WDR35: variants seen among roughly 807,000 people sequenced by gnomAD.
WDR35 encodes WD repeat-containing protein 35.
A neutral mutation model predicts 158.3 loss-of-function variants in WDR35; 118 were observed. That is an observed-to-expected ratio of 0.75 (90% CI 0.64 to 0.87). The LOEUF (loss-of-function observed/expected upper bound fraction) is 0.87. Ranked by LOEUF, WDR35 falls within the 40% of genes least tolerant of loss-of-function variation. WDR35 has a pLI of 0.00. For missense variants in WDR35, 1,263 were observed against 1,405.8 expected (o/e 0.90, Z 1.62); for synonymous variants, 448 against 476.1 (o/e 0.94, Z 0.77).
chr2:19,957,023 C>T (rs1018976028), intron 11 of WDR35, among the ~76,000 whole-genome samples: 3 of 152,110 alleles, frequency 2.0e-5, no homozygotes, highest in South Asian at 2.1e-4. Flanking sequence ...ATAAGGTAGG[C>T]GTTATTGTCC....
chr2:19,985,317 GC>G (rs1558363349), intron 2 of WDR35, among the ~76,000 whole-genome samples: 6 of 145,690 alleles, frequency 4.1e-5, no homozygotes, highest in South Asian at 2.2e-4. Flanking sequence ...CCAACCCAGG[GC>G]CATCATCCTC....
intron 9 of WDR35, among the ~76,000 whole-genome samples, chr2:19,967,790 A>T (rs1671905348): frequency 6.6e-6 from 1 of 152,140 alleles, no homozygotes; most frequent in African/African-American, 2.4e-5. Flanking sequence ...TATACTCCTC[A>T]TCCATTTCCC....
intron 5 of WDR35, among the ~76,000 whole-genome samples, chr2:19,977,395 C>T (rs540373402): frequency 3.9e-4 from 60 of 152,286 alleles, no homozygotes; most frequent in Middle Eastern, 6.8e-3. Flanking sequence ...AAGGCATTAC[C>T]ATCCATCCAG....
chr2:19,952,902 C>T (rs1391867204), intron 12 of WDR35, among the ~76,000 whole-genome samples: 1 of 150,800 alleles, frequency 6.6e-6, no homozygotes, highest in African/African-American at 2.4e-5. Flanking sequence ...CATTCTCCTG[C>T]CTCAGCCTCC....
At chr2:19,958,800 T>C (rs1350503203) in intron 11 of WDR35, among the ~76,000 whole-genome samples, 2 of 152,138 alleles carry the variant, frequency 1.3e-5, no homozygotes, top group East Asian at 1.9e-4. Flanking sequence ...AAAGGTATTA[T>C]GAGTGCTCAA....
At chr2:19,952,781 C>CTTTTTTTT (rs773596785) in intron 12 of WDR35, among the ~76,000 whole-genome samples, 7 of 86,266 alleles carry the variant, frequency 8.1e-5, no homozygotes, top group Admixed American at 1.5e-4. Context: ...ACTCAACATA[C>CTTTTTTTT]TTTTTTTTTT....
chr2:19,932,272 T>C lies in WDR35; in HGVS notation c.2823+11A>G. ...GAACAAATCAACTATTCACCAAGAT[T>C]TTTACATTACCTTAAACATCAGTTT... On this transcript the variant is annotated intron_variant, in intron 23 of 26. Coordinates refer to ENST00000281405, the MANE Select transcript of WDR35 (RefSeq NM_020779.4). The C allele has an allele frequency of 6.2e-7, 1 of 1,613,036 alleles. No individual in the cohort carries two copies.
At chr2:19,952,688 T>C (rs1671276901) in intron 12 of WDR35, among the ~76,000 whole-genome samples, 1 of 151,994 alleles carries the variant, frequency 6.6e-6, no homozygotes, top group Non-Finnish European at 1.5e-5. Context: ...AAAGATTCTT[T>C]CCATTTGGTC....
At chr2:19,973,764 T>G in intron 7 of WDR35, 56 bp from the exon 8 acceptor site, 1 of 1,564,988 alleles carries the variant, frequency 6.4e-7, no homozygotes, top group Non-Finnish European at 8.7e-7. Context: ...CCTAGAGAAC[T>G]TTATAATCTT....
At chr2:19,929,038 A>C (rs1300793618) in intron 25 of WDR35, among the ~76,000 whole-genome samples, 4 of 151,984 alleles carry the variant, frequency 2.6e-5, no homozygotes, top group African/African-American at 9.7e-5. Context: ...CGATCTCCTG[A>C]CCTTGTGATC....
rs189980993 is a variant in WDR35 at position 19,913,552 on chromosome 2, A to T, written c.*6T>A. The T allele has an allele frequency of 7.4e-6, 12 of 1,613,934 alleles. No homozygotes were observed. In the East Asian group the frequency reaches 8.9e-5, roughly 12 times the overall value. ...ATTTTACAGTTATATACAGTTTATC[A>T]TTCCTTTATCCCACTGGACTATGGC... On this transcript the variant is annotated 3_prime_UTR_variant, in exon 27 of 27. Transcript: ENST00000281405.
chr2:19,937,818 A>T lies in WDR35; in HGVS notation c.2192T>A (p.Met731Lys). 6.2e-7 allele frequency: 1 copy of T among 1,614,130 alleles called. No individual in the cohort carries two copies. The highest frequency in any genetic ancestry group is 2.2e-5 in the East Asian group (1 of 44,872). ...GTAGCCAACAACTTCAGCCTGTTTC[A>T]TTGACTCACTCAGTAGTTTGCCCAA... ...KRLGKLLSES[M>K]KQAEVVGYFG... The change falls in exon 19 of 27, where the codon ATG becomes AAG. Residue 731 changes from methionine (M) to lysine (K), a missense_variant. By Grantham distance (95) the Met-to-Lys change is moderately conservative. Transcript: ENST00000281405.
Position 19,935,545 on chromosome 2 carries a change from A to G in WDR35, c.2473T>C (p.Tyr825His), listed in dbSNP as rs1279342448. Residue 825 changes from tyrosine (Y) to histidine (H), a missense_variant, in exon 21 of 27, where the codon TAC becomes CAC. Transcript: ENST00000281405. ...CCTTCATAATCCTCTAACATATAGT[A>G]ACATTCAGCTAAGCGTTCCTGGTTC... The part of the protein sequence containing the change: ...GRNQERLAEC[Y>H]YMLEDYEGLE... The G allele has an allele frequency of 6.2e-7, 1 of 1,613,302 alleles. No individual in the cohort carries two copies. Among genetic ancestry groups the G allele is most frequent in the African/African-American group, 1.3e-5 (1 of 75,036 alleles).
chr2:19,919,444 A>AT (rs1463168646), intron 25 of WDR35, among the ~76,000 whole-genome samples: 2 of 151,914 alleles, frequency 1.3e-5, no homozygotes, highest in East Asian at 3.9e-4. Flanking sequence ...TCAACACCAC[A>AT]TAACTACCTG....
chr2:19,979,971 T>G (rs1366977402), intron 4 of WDR35, among the ~76,000 whole-genome samples: 1 of 152,160 alleles, frequency 6.6e-6, no homozygotes, highest in Non-Finnish European at 1.5e-5. Context: ...AGAACATGTA[T>G]TATGAGCTGC....
chr2:19,972,793 C>A (rs12612708), intron 8 of WDR35, among the ~76,000 whole-genome samples: 1 of 151,536 alleles, frequency 6.6e-6, no homozygotes, highest in African/African-American at 2.4e-5. Context: ...TAGTCTATGG[C>A]GAATTTATAA....
chr2:19,915,050 G>A (rs765421713), intron 25 of WDR35, among the ~76,000 whole-genome samples: 1 of 151,968 alleles, frequency 6.6e-6, no homozygotes, highest in Non-Finnish European at 1.5e-5. Flanking sequence ...AAGCCTGCAC[G>A]TTCTGTACAT....
chr2:19,925,622 T>C (rs953493277), intron 25 of WDR35, among the ~76,000 whole-genome samples: 1 of 152,226 alleles, frequency 6.6e-6, no homozygotes, highest in Non-Finnish European at 1.5e-5. Context: ...AAAGTAGTTA[T>C]ATTTTGCATT....
intron 12 of WDR35, 147 bp downstream of exon 12, chr2:19,953,685 CAT>C: frequency 1.9e-6 from 2 of 1,033,492 alleles, no homozygotes; most frequent in Non-Finnish European, 2.8e-6. Context: ...AATTTAAACA[CAT>C]AAATTTTAAA....
Sources: allele counts gnomAD v4.1 joint callset (sites outside exome capture counted in the v4.1 genomes callset), GRCh38; gene constraint gnomAD v4.1.1; transcripts MANE v1.5; gene names NCBI Gene and HGNC (gene_info 2026-07-23, HGNC 2026-07-21).